Variants in FANCM observed in about 807,000 individuals in gnomAD.
FANCM encodes FA complementation group M, also known as Fanconi anemia group M protein.
A neutral mutation model predicts 199.5 loss-of-function variants in FANCM; 140 were observed. The ratio of observed to expected loss-of-function variants is 0.70; its 90% confidence interval spans 0.61 to 0.81. The LOEUF (loss-of-function observed/expected upper bound fraction) is 0.81. Ranked by LOEUF, FANCM falls within the 30% of genes least tolerant of loss-of-function variation. The pLI, the probability that FANCM is intolerant of heterozygous loss-of-function variation, is 0.00. For synonymous variants in FANCM, 840 were observed against 836.8 expected (o/e 1.00, Z -0.07); for missense variants, 2,410 against 2,421.4 (o/e 1.00, Z 0.10).
intron 18 of FANCM, among the ~76,000 whole-genome samples, chr14:45,185,645 G>A (rs1204786832): frequency 3.9e-5 from 6 of 152,062 alleles, no homozygotes; most frequent in South Asian, 4.1e-4. Flanking sequence ...TTTATTGCCC[G>A]CTACATGCCT....
intron 8 of FANCM, among the ~76,000 whole-genome samples, chr14:45,157,063 C>A (rs1452481047): frequency 6.6e-6 from 1 of 151,364 alleles, no homozygotes; most frequent in African/African-American, 2.4e-5. Flanking sequence ...TGTTAATTAG[C>A]TTGATTTAGC....
chr14:45,188,975 A>C lies in FANCM; in HGVS notation c.4953A>C (p.Glu1651Asp). The C allele has an allele frequency of 6.2e-7, 1 of 1,614,096 alleles. No individual in the cohort carries two copies. Among genetic ancestry groups the C allele is most frequent in the Non-Finnish European group, 8.5e-7 (1 of 1,180,000 alleles). Reference sequence around the variant, plus strand: ...CTCGACGTGCAGTAATGCTAAAAGAAATGATGGAACAAAATTGTGCACATT... The same window carrying C: ...CTCGACGTGCAGTAATGCTAAAAGACATGATGGAACAAAATTGTGCACATT... Reference protein sequence around the residue: ...YKTRRAVMLKEMMEQNCAHSK... With the variant: ...YKTRRAVMLKDMMEQNCAHSK... The change falls in exon 20 of 23, where the codon GAA becomes GAC. Residue 1651 changes from glutamate (E) to aspartate (D), a missense_variant. Physicochemically the swap from Glu to Asp is conservative, Grantham distance 45 (BLOSUM62 2). Transcript: ENST00000267430.
intron 16 of FANCM, among the ~76,000 whole-genome samples, chr14:45,183,184 G>A (rs1193666562): frequency 6.6e-6 from 1 of 152,150 alleles, no homozygotes; most frequent in East Asian, 1.9e-4. Context: ...TGACTTATCA[G>A]AAATGATTTA....
chr14:45,138,640 T>C (rs760192447), intron 2 of FANCM, among the ~76,000 whole-genome samples: 6 of 152,172 alleles, frequency 3.9e-5, no homozygotes, highest in Admixed American at 6.5e-5. Context: ...CTTAAAAATT[T>C]TTTAAAATTC....
chr14:45,194,968 C>T (rs1566789141), intron 20 of FANCM, among the ~76,000 whole-genome samples: 2 of 152,080 alleles, frequency 1.3e-5, no homozygotes, highest in East Asian at 1.9e-4. Flanking sequence ...AGGCTGGTCT[C>T]GAACTCCTGA....
chr14:45,189,017 C>T lies in FANCM; in HGVS notation c.4995C>T (p.Ser1665=). 1 of 1,613,756 alleles carries T rather than the reference C, an allele frequency of 6.2e-7. No homozygotes were observed. Residue 1665 remains serine (S), a synonymous_variant, in exon 20 of 23, where the codon TCC becomes TCT. Coordinates refer to ENST00000267430, the MANE Select transcript of FANCM (RefSeq NM_020937.4). The part of the protein sequence containing the change: ...QNCAHSKKKL[S]RIILPDDSSE... ...GTGCACATTCAAAAAAGAAATTATC[C>T]AGAATTATTTTACCAGATGATTCAA... is the stretch of plus-strand genomic sequence containing the variant.
intron 14 of FANCM, among the ~76,000 whole-genome samples, chr14:45,177,816 G>C (rs1188605845): frequency 1.3e-5 from 2 of 152,190 alleles, no homozygotes; most frequent in East Asian, 1.9e-4. Flanking sequence ...GGGAAAGAAG[G>C]AAAGTATGAT....
At chr14:45,143,840 C>T (rs1266824106) in intron 3 of FANCM, among the ~76,000 whole-genome samples, 2 of 151,682 alleles carry the variant, frequency 1.3e-5, no homozygotes, top group Non-Finnish European at 2.9e-5. Context: ...ATTACAGGTG[C>T]CCACCACCAT....
chr14:45,174,401 A>T (rs897892241), intron 13 of FANCM, among the ~76,000 whole-genome samples: 1 of 151,474 alleles, frequency 6.6e-6, no homozygotes, highest in Non-Finnish European at 1.5e-5. Flanking sequence ...AAAAAAAAAC[A>T]AAAAAACCAG....
intron 10 of FANCM, among the ~76,000 whole-genome samples, chr14:45,166,158 G>A (rs1035682161): frequency 6.6e-6 from 1 of 151,568 alleles, no homozygotes; most frequent in Non-Finnish European, 1.5e-5. Flanking sequence ...AAAAAACGGA[G>A]TCTTGCTGTG....
chr14:45,175,516 G>A lies in FANCM; in HGVS notation c.2762G>A (p.Cys921Tyr), dbSNP rs752914487. The A allele has an allele frequency of 1.2e-5, 20 of 1,612,982 alleles. No homozygotes were observed. The highest frequency in any genetic ancestry group is 1.7e-6 in the Non-Finnish European group (2 of 1,179,188). Residue 921 changes from cysteine to tyrosine, a missense_variant, in exon 14 of 23, where the codon TGT becomes TAT. Physicochemically the swap from Cys to Tyr is radical, Grantham distance 194 (BLOSUM62 -2). Coordinates refer to ENST00000267430, the MANE Select transcript of FANCM (RefSeq NM_020937.4). ...TINENVIKEPCVLLTECQFTN... is the reference protein window; with the variant it reads ...TINENVIKEPYVLLTECQFTN... Reference sequence around the variant, plus strand: ...AATGAAAATGTTATTAAAGAACCGTGTGTGTTATTAACAGAGTGTCAGTTT... The same window carrying A: ...AATGAAAATGTTATTAAAGAACCGTATGTGTTATTAACAGAGTGTCAGTTT...
intron 3 of FANCM, among the ~76,000 whole-genome samples, chr14:45,142,534 C>T (rs562300146): frequency 3.3e-5 from 5 of 152,066 alleles, no homozygotes; most frequent in African/African-American, 1.2e-4. Context: ...TCTCGAGCTC[C>T]TGACCTCGTG....
intron 22 of FANCM, 56 bp from the exon 23 acceptor site, chr14:45,199,809 TATTAA>T: frequency 2.1e-6 from 3 of 1,424,670 alleles, no homozygotes; most frequent in Non-Finnish European, 3.0e-6. Flanking sequence ...CTTTAGGTAA[TATTAA>T]ATTTTATAAA....
At position 45,155,491 on chromosome 14, in the gene FANCM, CAA is replaced by C. The variant is rs772116224; in HGVS notation, c.1396+34_1396+35del. The stretch of plus-strand genomic sequence containing the variant: ...CATATTTAGTAGCTTTAAGGCAAGA[CAA>C]AGTTATTGCAAGAGGTAAAACTTTA... On this transcript the variant is annotated intron_variant, in intron 8 of 22. Transcript: ENST00000267430. 6 of 1,110,532 alleles carry C rather than the reference CAA, an allele frequency of 5.4e-6. No individual in the cohort carries two copies. In the African/African-American group the frequency reaches 9.1e-5, roughly 17 times the overall value. 68.8% of individuals were successfully genotyped at this position (1,110,532 alleles called of 1,614,324 possible). A position where few individuals can be genotyped will look rare whatever the true frequency, so the allele number is the denominator to read the frequency against.
chr14:45,154,455 T>C (rs1034835241), intron 6 of FANCM, among the ~76,000 whole-genome samples: 41 of 151,804 alleles, frequency 2.7e-4, no homozygotes, highest in Admixed American at 6.6e-5. Context: ...AAATGATTTA[T>C]TTTAAAAAGC....
At chr14:45,146,832 CAAAAAAAAAAAAAA>C (rs762253487) in intron 3 of FANCM, among the ~76,000 whole-genome samples, 7 of 42,168 alleles carry the variant, frequency 1.7e-4, no homozygotes, top group Non-Finnish European at 3.2e-4. Context: ...GACTCTGTCT[CAAAAAAAAAAAAAA>C]AAAAAAAAAA....
Position 45,196,478 on chromosome 14 carries a change from C to T in FANCM, c.5647C>T (p.Gln1883Ter), listed in dbSNP as rs1379375089. ...TGTCAATAAGAACAAGTTCATTGAG[C>T]AGATCCAGCACCTGCAGAGTATGTT... is the stretch of plus-strand genomic sequence containing the variant. ...NSVNKNKFIE[Q>*]IQHLQSMFER... Residue 1883 changes from glutamine to a stop codon, truncating the protein, a stop_gained, in exon 21 of 23, where the codon CAG becomes TAG. Coordinates refer to ENST00000267430, the MANE Select transcript of FANCM (RefSeq NM_020937.4). LOFTEE classifies it high-confidence loss of function. 2.5e-6 allele frequency: 4 copies of T among 1,613,826 alleles called. No homozygotes were observed. In the Admixed American group the frequency reaches 6.7e-5, roughly 27 times the overall value.
Position 45,175,657 on chromosome 14 carries a change from A to G in FANCM, c.2903A>G (p.Tyr968Cys), listed in dbSNP as rs752962214. 1.7e-5 allele frequency: 27 copies of G among 1,613,148 alleles called. No homozygotes were observed. Among genetic ancestry groups the G allele is most frequent in the Non-Finnish European group, 1.4e-5 (17 of 1,179,374 alleles). ...NLFLPFEEELYIVRTDDQFYN... is the reference protein window; with the variant it reads ...NLFLPFEEELCIVRTDDQFYN... ...TTTCTTCCATTCGAAGAAGAGCTTTATATTGTTAGAACAGATGACCAATTT... is the reference window on the plus strand; with the variant it reads ...TTTCTTCCATTCGAAGAAGAGCTTTGTATTGTTAGAACAGATGACCAATTT... The change falls in exon 14 of 23, where the codon TAT (tyrosine) becomes TGT (cysteine). Residue 968 changes from tyrosine (Y) to cysteine (C), a missense_variant. Tyr to Cys is a radical substitution (Grantham distance 194, BLOSUM62 -2). Transcript: ENST00000267430.
At chr14:45,193,362 A>T (rs147976289) in intron 20 of FANCM, among the ~76,000 whole-genome samples, 22 of 152,262 alleles carry the variant, frequency 1.4e-4, no homozygotes, top group African/African-American at 4.8e-4. Flanking sequence ...ACAACAGAAA[A>T]CACTAATTCC....
Sources: gnomAD v4.1 joint callset for allele counts (sites outside exome capture counted in the v4.1 genomes callset) on GRCh38, gnomAD v4.1.1 for gene constraint, MANE v1.5 for transcripts, NCBI Gene and HGNC (gene_info 2026-07-23, HGNC 2026-07-21) for gene names.